Variants in ANKFY1 observed in about 807,000 individuals in gnomAD.
ANKFY1 encodes the protein ankyrin repeat and FYVE domain containing 1, also known as ankyrin repeat and FYVE domain-containing protein 1.
A neutral mutation model predicts 128.3 loss-of-function variants in ANKFY1; 47 were observed. The observed-to-expected ratio is 0.37, with a 90% CI of 0.29 to 0.47. The LOEUF (loss-of-function observed/expected upper bound fraction) is 0.47. Ranked by LOEUF, ANKFY1 falls within the 20% of genes least tolerant of loss-of-function variation. The pLI is 1.00. For missense variants in ANKFY1, 1,222 were observed against 1,510.6 expected (o/e 0.81, Z 3.17); for synonymous variants, 553 against 601.6 (o/e 0.92, Z 1.18).
chr17:4,184,517 C>T (rs2059576323), intron 12 of ANKFY1, among the ~76,000 whole-genome samples: 1 of 152,032 alleles, frequency 6.6e-6, no homozygotes, highest in Non-Finnish European at 1.5e-5. Context: ...GTGCTCACAC[C>T]GAGGCACAGC....
intron 3 of ANKFY1, chr17:4,222,509 G>A: frequency 1.1e-6 from 1 of 949,132 alleles, no homozygotes; most frequent in South Asian, 1.3e-5. Flanking sequence ...TCTGTTCAGG[G>A]AGAAGTTCTA....
In ANKFY1 at chr17:4,164,332, G is replaced by A. The variant is rs1467694583; in HGVS notation, c.*3447C>T. The stretch of plus-strand genomic sequence containing the variant: ...TGATCTTCCAAAGAAAGTCTTTAAG[G>A]CATCTGTAACTTCTGGGAATTTCAG... On this transcript the variant is annotated 3_prime_UTR_variant, in exon 25 of 25. Coordinates refer to ENST00000341657, the MANE Select transcript of ANKFY1 (RefSeq NM_001330063.2). 1 of 152,678 alleles carries A rather than the reference G, an allele frequency of 6.5e-6. No homozygotes were observed. The highest frequency in any genetic ancestry group is 1.5e-5 in the Non-Finnish European group (1 of 68,044). 9.5% of individuals were successfully genotyped at this position (152,678 alleles called of 1,614,324 possible).
chr17:4,235,942 T>G (rs1235889265), intron 2 of ANKFY1, 52 bp from the exon 3 acceptor site: 4 of 1,321,112 alleles, frequency 3.0e-6, no homozygotes, highest in Non-Finnish European at 4.4e-6. Flanking sequence ...CATAACTAGG[T>G]ATAGCTAGGA....
chr17:4,187,123 A>G (rs914520800), intron 11 of ANKFY1: 2 of 776,880 alleles, frequency 2.6e-6, no homozygotes, highest in Non-Finnish European at 3.5e-6. Flanking sequence ...CACTGTACCC[A>G]GTATCACCCT....
intron 3 of ANKFY1, 90 bp downstream of exon 3, chr17:4,235,682 A>T: frequency 1.1e-6 from 1 of 885,228 alleles, no homozygotes; most frequent in Non-Finnish European, 1.8e-6. Context: ...CTTTCATTAA[A>T]TCACAAATAT....
intron 1 of ANKFY1, among the ~76,000 whole-genome samples, chr17:4,252,917 A>T (rs2143507177): frequency 6.6e-6 from 1 of 152,328 alleles, no homozygotes; most frequent in East Asian, 1.9e-4. Context: ...GCAATATGCT[A>T]CGTGAAAGGA....
At chr17:4,218,743 C>T (rs922170560) in intron 3 of ANKFY1, among the ~76,000 whole-genome samples, 12 of 152,056 alleles carry the variant, frequency 7.9e-5, no homozygotes, top group East Asian at 3.8e-4. Flanking sequence ...CCATTAGTGG[C>T]GGCATGTGTC....
At chr17:4,244,528 G>A (rs1042174806) in intron 1 of ANKFY1, among the ~76,000 whole-genome samples, 1 of 151,876 alleles carries the variant, frequency 6.6e-6, no homozygotes, top group African/African-American at 2.4e-5. Context: ...ATCATCCTCC[G>A]GGCCTTGGTC....
intron 3 of ANKFY1, among the ~76,000 whole-genome samples, chr17:4,233,590 C>T (rs1441044692): frequency 6.6e-6 from 1 of 152,222 alleles, no homozygotes. Context: ...TTGGGAAACA[C>T]TGATATATGT....
intron 3 of ANKFY1, among the ~76,000 whole-genome samples, chr17:4,230,637 C>A (rs2060498208): frequency 6.6e-6 from 1 of 151,970 alleles, no homozygotes; most frequent in African/African-American, 2.4e-5. Context: ...ATCTTTTATT[C>A]TTTTTTATTA....
rs572606909 is a variant in ANKFY1 at position 4,254,303 on chromosome 17, C to CAAAAAA, written c.10+9623_10+9628dup. On this transcript the variant is annotated intron_variant, in intron 1 of 24. Coordinates refer to ENST00000341657, the MANE Select transcript of ANKFY1 (RefSeq NM_001330063.2). ...TGGACCACAGAGTGAGACTCCATCT[C>CAAAAAA]AAAAAAAAAAAAAAAAAAAAAAAAA... 3.8e-4 allele frequency among the ~76,000 whole-genome samples: 31 copies of CAAAAAA among 81,928 alleles called. 1 individual carries two copies. Among genetic ancestry groups the CAAAAAA allele is most frequent in the African/African-American group, 1.6e-3 (24 of 15,282 alleles). The allele number at this position is 81,928 out of a possible 152,430, so 53.7% of individuals were successfully genotyped here.
At chr17:4,204,116 A>T (rs989368884) in intron 7 of ANKFY1, among the ~76,000 whole-genome samples, 20 of 152,196 alleles carry the variant, frequency 1.3e-4, no homozygotes, top group Non-Finnish European at 7.3e-5. Flanking sequence ...ATGTGTGCTC[A>T]GACTAAACCA....
At chr17:4,180,791 A>AAGAAAACC (rs2059500776) in intron 16 of ANKFY1, among the ~76,000 whole-genome samples, 1 of 151,698 alleles carries the variant, frequency 6.6e-6, no homozygotes, top group Non-Finnish European at 1.5e-5. Flanking sequence ...AAAAGAAAGA[A>AAGAAAACC]AGAAAACCAG....
intron 3 of ANKFY1, chr17:4,223,935 C>T: frequency 1.7e-6 from 1 of 580,886 alleles, no homozygotes; most frequent in Non-Finnish European, 3.0e-6. Context: ...GAACACTGTG[C>T]CTCAGCAATG....
rs778940550 is a variant in ANKFY1, at chr17:4,173,342, C to CA, written c.3014+11dup. ...AGGCGCCGCGGGGCCTACTCGGGCC[C>CA]AACGCGCTCACCTGAGATTAAAGGC... On this transcript the variant is annotated intron_variant, in intron 21 of 24. Coordinates refer to ENST00000341657, the MANE Select transcript of ANKFY1 (RefSeq NM_001330063.2). The CA allele has an allele frequency of 1.2e-6, 2 of 1,613,500 alleles. No individual in the cohort carries two copies. The highest frequency in any genetic ancestry group is 1.7e-6 in the Non-Finnish European group (2 of 1,179,636).
chr17:4,203,010 C>T (rs1178553087), intron 7 of ANKFY1, among the ~76,000 whole-genome samples: 2 of 149,098 alleles, frequency 1.3e-5, no homozygotes, highest in Non-Finnish European at 3.0e-5. Flanking sequence ...ATTCACCCCA[C>T]ACAAAGAAGC....
chr17:4,253,197 G>A (rs1967936060), intron 1 of ANKFY1, among the ~76,000 whole-genome samples: 1 of 152,088 alleles, frequency 6.6e-6, no homozygotes, highest in African/African-American at 2.4e-5. Flanking sequence ...CTCCAGCCTG[G>A]GCGACAGAGC....
chr17:4,253,343 G>A (rs1005034096), intron 1 of ANKFY1, among the ~76,000 whole-genome samples: 3 of 152,200 alleles, frequency 2.0e-5, no homozygotes, highest in Non-Finnish European at 4.4e-5. Flanking sequence ...AACTTTTTAC[G>A]GTGATAGAAA....
At chr17:4,183,977 T>C in intron 12 of ANKFY1, 67 bp from the exon 13 acceptor site, 1 of 1,401,844 alleles carries the variant, frequency 7.1e-7, no homozygotes, top group Admixed American at 1.7e-5. Context: ...AAAGCTTCAG[T>C]AGAGTAAGAA....
Sources: allele counts gnomAD v4.1 joint callset (sites outside exome capture counted in the v4.1 genomes callset), GRCh38; gene constraint gnomAD v4.1.1; transcripts MANE v1.5; gene names NCBI Gene and HGNC (gene_info 2026-07-23, HGNC 2026-07-21).